AMOT: variants seen among roughly 807,000 people sequenced by gnomAD.
The protein encoded by AMOT is angiomotin.
A neutral mutation model predicts 67.0 loss-of-function variants in AMOT; 11 were observed. The observed-to-expected ratio is 0.16, with a 90% CI of 0.10 to 0.27. The LOEUF is 0.27. Ranked by LOEUF, AMOT falls within the 10% of genes least tolerant of loss-of-function variation. The probability of loss-of-function intolerance (pLI) is 1.00; values close to 1 mark genes in which losing one functional copy is unlikely to be tolerated. For missense variants in AMOT, 753 were observed against 852.0 expected, an observed-to-expected ratio of 0.88 and a Z score of 1.45; for synonymous variants, 326 against 321.4, an observed-to-expected ratio of 1.01 and a Z score of -0.15.
intron 7 of AMOT, among the ~76,000 whole-genome samples, chrX:112,806,345 C>G (rs762772146): frequency 1.0e-5 from 1 of 95,823 alleles, no homozygotes; most frequent in Non-Finnish European, 2.0e-5. Flanking sequence ...TGTATATATA[C>G]ATATGTATAA....
At chrX:112,783,000 T>C (rs1933246511) in intron 10 of AMOT, among the ~76,000 whole-genome samples, 1 of 111,173 alleles carries the variant, frequency 9.0e-6, no homozygotes, top group African/African-American at 3.3e-5. Flanking sequence ...GCAACAGGAA[T>C]ATGTATATAT....
At chrX:112,785,614 G>C (rs927955413) in intron 10 of AMOT, among the ~76,000 whole-genome samples, 1 of 111,903 alleles carries the variant, frequency 8.9e-6, no homozygotes, top group African/African-American at 3.3e-5. Flanking sequence ...CTTTCCAAGG[G>C]AATAAAATGA....
intron 1 of AMOT, among the ~76,000 whole-genome samples, chrX:112,836,936 T>A (rs1266603519): frequency 9.1e-6 from 1 of 110,363 alleles, no homozygotes; most frequent in East Asian, 2.8e-4. Context: ...CGAGTTACAG[T>A]TGGGCCTAGA....
In AMOT at chrX:112,777,434, C is replaced by T. The variant is rs150067152; in HGVS notation, c.*1133G>A. ...ATACTGCTGCAATCCACCTCTCCCC[C>T]GACTGCAGCATAGTACTTTGGGTTT... is the stretch of plus-strand genomic sequence containing the variant. On this transcript the variant is annotated 3_prime_UTR_variant, in exon 14 of 14. Transcript: ENST00000371959. The T allele has an allele frequency of 7.1e-5, 8 of 112,135 alleles. No homozygotes were observed. The East Asian group carries it at 2.2e-3, about 31-fold the overall frequency. 9.2% of individuals were successfully genotyped at this position (112,135 alleles called of 1,213,427 possible).
intron 8 of AMOT, among the ~76,000 whole-genome samples, chrX:112,792,879 G>C (rs754252033): frequency 4.0e-4 from 45 of 111,483 alleles, no homozygotes; most frequent in Non-Finnish European, 8.3e-4. Flanking sequence ...TAGGGAATAA[G>C]AGTGTGAGTT....
intron 8 of AMOT, among the ~76,000 whole-genome samples, chrX:112,798,070 T>C (rs1382321594): frequency 8.9e-6 from 1 of 111,857 alleles, no homozygotes. Context: ...TACTTGATGC[T>C]TTTACGTTCA....
chrX:112,797,890 GAGAA>G (rs974012918), intron 8 of AMOT, among the ~76,000 whole-genome samples: 14 of 107,765 alleles, frequency 1.3e-4, no homozygotes, highest in African/African-American at 4.5e-4. Context: ...AAGAGAGAGA[GAGAA>G]AGAGAGAAAG....
At position 112,809,926 on chromosome X, in the gene AMOT, G is replaced by C. The variant is rs1256416209; in HGVS notation, c.1598C>G (p.Thr533Ser). The C allele has an allele frequency of 8.3e-7, 1 of 1,211,393 alleles. No homozygotes were observed. The highest frequency in any genetic ancestry group is 1.1e-6 in the Non-Finnish European group (1 of 895,374). The change falls in exon 7 of 14, where the codon ACC becomes AGC. Residue 533 changes from threonine to serine, a missense_variant. Thr to Ser is a moderately conservative substitution (Grantham distance 58). Transcript: ENST00000371959. ...AAAGAGCTGCGAGATGGTTTTTCTG[G>C]TGTCCTCTGACCCCTCATATTCCTT... The part of the protein sequence containing the change: ...AEKEYEGSED[T>S]RKTISQLFAK...
At chrX:112,832,739 A>C (rs1422928834) in intron 1 of AMOT, among the ~76,000 whole-genome samples, 3 of 111,962 alleles carry the variant, frequency 2.7e-5, no homozygotes, top group African/African-American at 9.7e-5. Flanking sequence ...GTGGGGCTCT[A>C]CTAACATAAT....
chrX:112,778,431 G>A lies in AMOT; in HGVS notation c.*136C>T, dbSNP rs1932992641. ...CATGGTATTACTCAAGTAGTACATT[G>A]TTCCAATAAAAAGTCCTGTTAAAAA... On this transcript the variant is annotated 3_prime_UTR_variant, in exon 14 of 14. Coordinates refer to ENST00000371959, the MANE Select transcript of AMOT (RefSeq NM_001113490.2). 1.9e-6 allele frequency: 1 copy of A among 519,514 alleles called. No homozygotes were observed. The highest frequency in any genetic ancestry group is 2.9e-5 in the Admixed American group (1 of 33,976). The allele number at this position is 519,514 out of a possible 1,213,427, so 42.8% of individuals were successfully genotyped here.
At chrX:112,812,303 G>C (rs1246645686) in intron 5 of AMOT, among the ~76,000 whole-genome samples, 1 of 111,761 alleles carries the variant, frequency 8.9e-6, no homozygotes, top group Non-Finnish European at 1.9e-5. Flanking sequence ...TGGACACTGT[G>C]GGGTACGCAG....
At chrX:112,835,998 T>G (rs769143662) in intron 1 of AMOT, among the ~76,000 whole-genome samples, 8 of 112,381 alleles carry the variant, frequency 7.1e-5, no homozygotes, top group African/African-American at 2.3e-4. Flanking sequence ...ACCCATTATG[T>G]GTGGGCCATT....
chrX:112,812,218 G>C (rs1461777144), intron 5 of AMOT, among the ~76,000 whole-genome samples: 1 of 111,881 alleles, frequency 8.9e-6, no homozygotes, highest in Non-Finnish European at 1.9e-5. Context: ...ATTTCAATGA[G>C]CAGAGGTGAG....
chrX:112,819,220 GCA>G (rs1479522568), intron 4 of AMOT: 3 of 303,583 alleles, frequency 9.9e-6, no homozygotes, highest in Non-Finnish European at 1.3e-5. Context: ...ACATGTGCAT[GCA>G]CACACACACT....
rs146349101 is a variant in AMOT at position 112,778,520 on chromosome X, G to T, written c.*47C>A. 9.7e-4 allele frequency: 1,085 copies of T among 1,114,146 alleles called. 6 individuals carry two copies. The African/African-American group carries it at 0.017, about 18-fold the overall frequency. 91.8% of individuals were successfully genotyped at this position (1,114,146 alleles called of 1,213,427 possible). On this transcript the variant is annotated 3_prime_UTR_variant, in exon 14 of 14. Transcript: ENST00000371959. The stretch of plus-strand genomic sequence containing the variant: ...CAAGAACCAATAAAAGGGGGAAAAT[G>T]ATTAAAAGCATTTTTGCTGATAATC...
intron 8 of AMOT, among the ~76,000 whole-genome samples, chrX:112,803,836 A>G (rs1472870048): frequency 8.9e-6 from 1 of 112,406 alleles, no homozygotes; most frequent in African/African-American, 3.2e-5. Flanking sequence ...TTTGTTTCAA[A>G]TCTACAAATT....
At chrX:112,823,317 T>A in intron 3 of AMOT, 129 bp from the exon 4 acceptor site, 2 of 447,039 alleles carry the variant, frequency 4.5e-6, no homozygotes, top group Non-Finnish European at 7.5e-6. Flanking sequence ...ACTCTAAAAT[T>A]AATAGATTGT....
intron 4 of AMOT, among the ~76,000 whole-genome samples, chrX:112,816,602 G>C (rs1188971219): frequency 8.9e-6 from 1 of 111,811 alleles, no homozygotes; most frequent in Non-Finnish European, 1.9e-5. Flanking sequence ...GAACTGGAAA[G>C]GCCTTAAAAG....
chrX:112,792,379 G>C (rs762135121), intron 8 of AMOT, among the ~76,000 whole-genome samples: 1 of 112,199 alleles, frequency 8.9e-6, no homozygotes, highest in Non-Finnish European at 1.9e-5. Flanking sequence ...ATTGCATTAG[G>C]CAAATGCTTT....
Sources: allele counts gnomAD v4.1 joint callset (sites outside exome capture counted in the v4.1 genomes callset), GRCh38; gene constraint gnomAD v4.1.1; transcripts MANE v1.5; gene names NCBI Gene and HGNC (gene_info 2026-07-23, HGNC 2026-07-21).